The following NELL1 variants were observed in gnomAD, a reference collection of about 807,000 sequenced individuals.
NELL1 encodes the protein neural EGFL like 1, also known as protein kinase C-binding protein NELL1.
In NELL1, 76 loss-of-function variants were observed where a neutral mutation model predicts 107.4. That is an observed-to-expected ratio of 0.71 (90% confidence interval 0.59 to 0.86). The LOEUF (loss-of-function observed/expected upper bound fraction) is 0.86. Among genes scored for constraint, NELL1 ranks in the 40% least tolerant of loss-of-function variants. The pLI is 0.00. For missense variants in NELL1, 1,024 were observed against 1,005.5 expected (o/e 1.02, Z -0.25); for synonymous variants, 353 against 341.2 (o/e 1.03, Z -0.38).
intron 3 of NELL1, among the ~76,000 whole-genome samples, chr11:20,797,165 A>AGC (rs1857185680): frequency 2.6e-5 from 4 of 152,194 alleles, no homozygotes; most frequent in Non-Finnish European, 5.9e-5. Context: ...CATGGAAAGG[A>AGC]TATAAGCACA....
chr11:20,678,305 G>A (rs1034863289), intron 2 of NELL1, among the ~76,000 whole-genome samples: 1 of 152,140 alleles, frequency 6.6e-6, no homozygotes, highest in African/African-American at 2.4e-5. Context: ...GATCTAAAGT[G>A]GGATGGATTT....
intron 4 of NELL1, among the ~76,000 whole-genome samples, chr11:20,863,855 C>T (rs1472957770): frequency 6.6e-6 from 1 of 152,216 alleles, no homozygotes; most frequent in African/African-American, 2.4e-5. Flanking sequence ...TCTGCAATCC[C>T]GGCACCTCAG....
chr11:21,278,748 C>T (rs1011298735), intron 14 of NELL1, among the ~76,000 whole-genome samples: 3 of 152,058 alleles, frequency 2.0e-5, no homozygotes, highest in Admixed American at 6.6e-5. Flanking sequence ...CAATAAAAAT[C>T]GTAGGGAGTT....
chr11:21,455,461 A>G (rs186700337), intron 15 of NELL1, among the ~76,000 whole-genome samples: 18 of 151,700 alleles, frequency 1.2e-4, no homozygotes, highest in Admixed American at 1.0e-3. Context: ...CCTCCCAAGT[A>G]GCTGGGACTA....
chr11:20,960,379 G>A, intron 11 of NELL1, 53 bp from the exon 12 acceptor site: 1 of 1,570,344 alleles, frequency 6.4e-7, no homozygotes, highest in South Asian at 1.1e-5. Context: ...TTATTTTGGG[G>A]AGTTACTTTA....
intron 14 of NELL1, among the ~76,000 whole-genome samples, chr11:21,281,906 C>G (rs899379764): frequency 3.9e-5 from 6 of 152,140 alleles, no homozygotes; most frequent in African/African-American, 1.4e-4. Context: ...ACAAAAACAT[C>G]AGAGGAAGTC....
At chr11:21,032,080 A>G (rs1254560888) in intron 12 of NELL1, among the ~76,000 whole-genome samples, 3 of 147,770 alleles carry the variant, frequency 2.0e-5, no homozygotes, top group African/African-American at 7.6e-5. Context: ...TAATAATAAT[A>G]ATAATGATAA....
intron 3 of NELL1, among the ~76,000 whole-genome samples, chr11:20,837,054 G>A (rs1317030243): frequency 6.6e-6 from 1 of 152,064 alleles, no homozygotes; most frequent in Non-Finnish European, 1.5e-5. Flanking sequence ...CCTCAACAAC[G>A]GGGATTGGGG....
At chr11:21,311,633 G>T (rs1192955305) in intron 14 of NELL1, among the ~76,000 whole-genome samples, 1 of 152,056 alleles carries the variant, frequency 6.6e-6, no homozygotes, top group Non-Finnish European at 1.5e-5. Context: ...AGAGCATGTT[G>T]AACCTATCCT....
intron 3 of NELL1, among the ~76,000 whole-genome samples, chr11:20,829,221 C>T (rs1166915638): frequency 7.0e-6 from 1 of 142,568 alleles, no homozygotes; most frequent in Non-Finnish European, 1.5e-5. Context: ...TGCTGCAGGA[C>T]TATTTTTTTT....
intron 15 of NELL1, among the ~76,000 whole-genome samples, chr11:21,531,265 CA>C (rs1855983963): frequency 6.6e-6 from 1 of 152,106 alleles, no homozygotes; most frequent in African/African-American, 2.4e-5. Flanking sequence ...GCATTGAACA[CA>C]ACACAAAAAT....
chr11:21,499,102 T>C (rs1855068235), intron 15 of NELL1, among the ~76,000 whole-genome samples: 1 of 152,094 alleles, frequency 6.6e-6, no homozygotes, highest in South Asian at 2.1e-4. Flanking sequence ...TTTCCTCTTT[T>C]GGTTAATTTT....
At chr11:21,018,905 A>G (rs1229140518) in intron 12 of NELL1, among the ~76,000 whole-genome samples, 1 of 151,910 alleles carries the variant, frequency 6.6e-6, no homozygotes, top group African/African-American at 2.4e-5. Flanking sequence ...TCTGTGTTCT[A>G]CTTCATTTTA....
At chr11:21,024,225 T>C (rs1200146211) in intron 12 of NELL1, among the ~76,000 whole-genome samples, 1 of 152,176 alleles carries the variant, frequency 6.6e-6, no homozygotes, top group Non-Finnish European at 1.5e-5. Context: ...CACAAATATC[T>C]GAACTACCAA....
At chr11:21,470,162 A>G (rs144653516) in intron 15 of NELL1, among the ~76,000 whole-genome samples, 1 of 152,212 alleles carries the variant, frequency 6.6e-6, no homozygotes, top group East Asian at 1.9e-4. Flanking sequence ...GTAAAGATAT[A>G]TGCAGAAACA....
intron 15 of NELL1, among the ~76,000 whole-genome samples, chr11:21,444,018 A>G (rs931649783): frequency 6.6e-6 from 1 of 152,174 alleles, no homozygotes; most frequent in African/African-American, 2.4e-5. Context: ...AACAGTTTAT[A>G]TATATAACTA....
At chr11:20,876,264 T>G (rs1225985991) in intron 4 of NELL1, among the ~76,000 whole-genome samples, 1 of 149,674 alleles carries the variant, frequency 6.7e-6, no homozygotes, top group Non-Finnish European at 1.5e-5. Flanking sequence ...CATTACAGTC[T>G]GTGTTTTCTG....
intron 12 of NELL1, among the ~76,000 whole-genome samples, chr11:21,097,999 T>C (rs1266365414): frequency 2.7e-5 from 4 of 148,546 alleles, no homozygotes; most frequent in Admixed American, 2.0e-4. Context: ...AAAGCTACCC[T>C]GATCAGTTTG....
intron 12 of NELL1, among the ~76,000 whole-genome samples, chr11:21,014,646 T>G (rs148329450): frequency 3.9e-5 from 6 of 152,110 alleles, no homozygotes; most frequent in African/African-American, 1.4e-4. Flanking sequence ...CTGTGAACTC[T>G]TGGAGGGCTG....
Sources: gnomAD v4.1 joint callset for allele counts (sites outside exome capture counted in the v4.1 genomes callset) on GRCh38, gnomAD v4.1.1 for gene constraint, MANE v1.5 for transcripts, NCBI Gene and HGNC (gene_info 2026-07-23, HGNC 2026-07-21) for gene names.